CDH12: variants seen among roughly 807,000 people sequenced by gnomAD.
CDH12 encodes the protein cadherin-12.
CDH12 carries 41 observed loss-of-function variants against 74.1 expected under a neutral mutation model. That is an observed-to-expected ratio of 0.55 (90% CI 0.43 to 0.72). The LOEUF (loss-of-function observed/expected upper bound fraction) is 0.72. CDH12 is among the 30% of genes least tolerant of loss of function. CDH12 has a pLI of 0.00. For missense variants in CDH12, 945 were observed against 977.2 expected (o/e 0.97, Z 0.44); for synonymous variants, 399 against 355.0 (o/e 1.12, Z -1.39).
chr5:22,331,472 G>T (rs752543928), intron 3 of CDH12, among the ~76,000 whole-genome samples: 1 of 152,158 alleles, frequency 6.6e-6, no homozygotes, highest in South Asian at 2.1e-4. Context: ...GACCACCAAG[G>T]TGGTACCTCT....
chr5:22,398,640 C>T (rs993568511), intron 3 of CDH12, among the ~76,000 whole-genome samples: 1 of 152,230 alleles, frequency 6.6e-6, no homozygotes, highest in South Asian at 2.1e-4. Context: ...TCTTTGGGTT[C>T]TAAGGGTGGT....
chr5:22,441,882 T>C (rs2126542820), intron 2 of CDH12, among the ~76,000 whole-genome samples: 1 of 152,082 alleles, frequency 6.6e-6, no homozygotes, highest in Non-Finnish European at 1.5e-5. Flanking sequence ...TTTTGTACTT[T>C]TAGTAGAGAC....
chr5:21,992,377 T>C (rs12522560), intron 5 of CDH12, among the ~76,000 whole-genome samples: 26,556 of 152,124 alleles, frequency 0.17, 2,697 homozygotes, highest in African/African-American at 0.28. Flanking sequence ...AGAAAGTTTT[T>C]TGTTTTGTTT....
intron 1 of CDH12, among the ~76,000 whole-genome samples, chr5:22,848,334 C>T (rs1182711614): frequency 2.0e-5 from 3 of 152,088 alleles, no homozygotes; most frequent in African/African-American, 4.8e-5. Context: ...ATTACTGATA[C>T]TATTGCTGCT....
rs138578114 is a variant in CDH12 at position 22,302,631 on chromosome 5, T to C, written c.-332-89988A>G. The stretch of plus-strand genomic sequence containing the variant: ...TAGATATTCAAGTCATTGGAACATA[T>C]AAAATTCTAAAAAATGAGAATAGCT... On this transcript the variant is annotated intron_variant, in intron 3 of 14. Transcript: ENST00000382254. Among the ~76,000 whole-genome samples the C allele has an allele frequency of 3.2e-3, 492 of 152,148 alleles. 2 individuals carry two copies. The highest frequency in any genetic ancestry group is 5.4e-3 in the Non-Finnish European group (365 of 67,970).
chr5:22,784,503 T>A lies in CDH12; in HGVS notation c.-523+68555A>T, dbSNP rs370107236. Among the ~76,000 whole-genome samples the A allele has an allele frequency of 5.3e-5, 8 of 152,232 alleles. No homozygotes were observed. In the East Asian group the frequency reaches 1.2e-3, roughly 22 times the overall value. The stretch of plus-strand genomic sequence containing the variant: ...CTTCTTCCTCACCCACCCATCCAGA[T>A]TAAATTGGTCACCACTAACTGCTAC... On this transcript the variant is annotated intron_variant, in intron 1 of 14. Transcript: ENST00000382254.
chr5:21,784,405 A>T (rs1040178173), intron 10 of CDH12, among the ~76,000 whole-genome samples: 1 of 152,142 alleles, frequency 6.6e-6, no homozygotes, highest in Non-Finnish European at 1.5e-5. Flanking sequence ...AGTATTATTA[A>T]TATGTCTTAC....
intron 1 of CDH12, among the ~76,000 whole-genome samples, chr5:22,652,388 T>A (rs543133035): frequency 3.9e-5 from 6 of 152,150 alleles, no homozygotes; most frequent in Non-Finnish European, 8.8e-5. Flanking sequence ...GGACTTAGCA[T>A]GTCACCAGAA....
intron 3 of CDH12, among the ~76,000 whole-genome samples, chr5:22,345,107 T>C (rs1310428990): frequency 3.3e-5 from 5 of 152,212 alleles, no homozygotes; most frequent in Non-Finnish European, 4.4e-5. Context: ...CACTGCAACA[T>C]TGATTTGATG....
At chr5:21,942,381 CACACACACAT>C (rs1476642495) in intron 6 of CDH12, among the ~76,000 whole-genome samples, 22 of 146,136 alleles carry the variant, frequency 1.5e-4, no homozygotes, top group African/African-American at 5.6e-4. Flanking sequence ...CACACACACA[CACACACACAT>C]ATATATGTGT....
At chr5:22,130,240 C>T (rs1746108706) in intron 4 of CDH12, among the ~76,000 whole-genome samples, 1 of 150,454 alleles carries the variant, frequency 6.6e-6, no homozygotes, top group Admixed American at 6.6e-5. Flanking sequence ...CAGTGGGAGA[C>T]ATAAAAGGGA....
intron 1 of CDH12, among the ~76,000 whole-genome samples, chr5:22,821,095 A>T (rs1749675433): frequency 1.3e-5 from 2 of 152,174 alleles, no homozygotes; most frequent in African/African-American, 4.8e-5. Flanking sequence ...CAAATCAATA[A>T]ATGTAATCCA....
At chr5:21,974,587 G>A (rs1178904503) in intron 6 of CDH12, among the ~76,000 whole-genome samples, 1 of 152,084 alleles carries the variant, frequency 6.6e-6, no homozygotes, top group Non-Finnish European at 1.5e-5. Context: ...ACAAGTATGG[G>A]TTATTTACCC....
At chr5:22,576,141 G>T (rs2126774230) in intron 1 of CDH12, among the ~76,000 whole-genome samples, 1 of 152,288 alleles carries the variant, frequency 6.6e-6, no homozygotes, top group South Asian at 2.1e-4. Context: ...AAACCTAAAA[G>T]TTAACGCCTA....
intron 3 of CDH12, among the ~76,000 whole-genome samples, chr5:22,394,726 T>C (rs1298337177): frequency 3.3e-5 from 5 of 152,144 alleles, no homozygotes; most frequent in African/African-American, 7.2e-5. Context: ...AAGCCCACCA[T>C]TATATTTTTA....
chr5:22,837,057 A>G (rs1456092311), intron 1 of CDH12, among the ~76,000 whole-genome samples: 1 of 152,196 alleles, frequency 6.6e-6, no homozygotes, highest in East Asian at 1.9e-4. Flanking sequence ...TGATTTAGTG[A>G]CCTAATATAT....
At chr5:22,624,863 A>G (rs974204669) in intron 1 of CDH12, among the ~76,000 whole-genome samples, 1 of 152,208 alleles carries the variant, frequency 6.6e-6, no homozygotes, top group Non-Finnish European at 1.5e-5. Context: ...ATGCACACGT[A>G]TGTTTATTGT....
At chr5:22,585,263 G>C (rs1422452001) in intron 1 of CDH12, among the ~76,000 whole-genome samples, 1 of 152,104 alleles carries the variant, frequency 6.6e-6, no homozygotes, top group South Asian at 2.1e-4. Context: ...GGGTGTAAAA[G>C]ATCAGCGTAA....
chr5:22,397,282 C>G (rs939494775), intron 3 of CDH12, among the ~76,000 whole-genome samples: 2 of 152,090 alleles, frequency 1.3e-5, no homozygotes, highest in African/African-American at 4.8e-5. Flanking sequence ...AAAATAGACA[C>G]TAGCAGGAGA....
Sources: allele counts gnomAD v4.1 joint callset (sites outside exome capture counted in the v4.1 genomes callset), GRCh38; gene constraint gnomAD v4.1.1; transcripts MANE v1.5; gene names NCBI Gene and HGNC (gene_info 2026-07-23, HGNC 2026-07-21).